SLCO6A1: variants seen among roughly 807,000 people sequenced by gnomAD.
SLCO6A1 encodes the protein cancer/testis antigen 48.
In SLCO6A1, 65 loss-of-function variants were observed where a neutral mutation model predicts 72.7. The observed-to-expected ratio is 0.89, with a 90% CI of 0.73 to 1.10. The LOEUF (loss-of-function observed/expected upper bound fraction) is 1.10. Among genes scored for constraint, SLCO6A1 ranks in the 50% least tolerant of loss-of-function variants. SLCO6A1 has a pLI of 0.00. For missense variants in SLCO6A1, 874 were observed against 872.6 expected (o/e 1.00, Z -0.02); for synonymous variants, 314 against 298.2 (o/e 1.05, Z -0.55).
At chr5:102,434,514 T>G (rs1022943681) in intron 7 of SLCO6A1, among the ~76,000 whole-genome samples, 1 of 152,208 alleles carries the variant, frequency 6.6e-6, no homozygotes, top group African/African-American at 2.4e-5. Context: ...GTCATAAACT[T>G]TATTTCATCT....
chr5:102,433,291 G>A (rs922713129), intron 7 of SLCO6A1, among the ~76,000 whole-genome samples: 10 of 152,178 alleles, frequency 6.6e-5, no homozygotes, highest in African/African-American at 2.4e-4. Context: ...GACTGGTTAA[G>A]GACCCTTGCT....
chr5:102,395,795 T>C (rs966162050), intron 10 of SLCO6A1, among the ~76,000 whole-genome samples: 23 of 152,216 alleles, frequency 1.5e-4, no homozygotes, highest in Non-Finnish European at 2.1e-4. Context: ...TGGCCAGTGA[T>C]GATGAGCATT....
chr5:102,382,631 A>G (rs1746171679), intron 12 of SLCO6A1, among the ~76,000 whole-genome samples: 1 of 151,498 alleles, frequency 6.6e-6, no homozygotes, highest in Non-Finnish European at 1.5e-5. Context: ...GGATATTTCC[A>G]TCTATTAGTG....
chr5:102,445,784 A>C (rs751906235), intron 6 of SLCO6A1, among the ~76,000 whole-genome samples: 11 of 152,308 alleles, frequency 7.2e-5, no homozygotes, highest in Non-Finnish European at 1.6e-4. Flanking sequence ...AATTCCACAT[A>C]TAGCTAGCCA....
chr5:102,384,466 C>T (rs115031620), intron 12 of SLCO6A1, among the ~76,000 whole-genome samples: 2,425 of 151,854 alleles, frequency 0.016, 59 homozygotes, highest in African/African-American at 0.055. Flanking sequence ...TTTGTAGTGG[C>T]AGTACGCTTT....
At chr5:102,380,971 A>G (rs1463638402) in intron 12 of SLCO6A1, among the ~76,000 whole-genome samples, 1 of 151,890 alleles carries the variant, frequency 6.6e-6, no homozygotes, top group Admixed American at 6.6e-5. Context: ...ACAAATAAAT[A>G]AAAAGGGTAT....
chr5:102,456,101 T>C (rs1210678041), intron 6 of SLCO6A1, among the ~76,000 whole-genome samples: 3 of 152,206 alleles, frequency 2.0e-5, no homozygotes, highest in East Asian at 1.9e-4. Context: ...TGATGGGATA[T>C]ACCTCAAAAT....
chr5:102,447,959 C>T (rs566647068), intron 6 of SLCO6A1, among the ~76,000 whole-genome samples: 4 of 152,002 alleles, frequency 2.6e-5, no homozygotes, highest in South Asian at 4.2e-4. Flanking sequence ...CTAGGTGTGA[C>T]GTTAGATTGT....
intron 6 of SLCO6A1, among the ~76,000 whole-genome samples, chr5:102,446,747 T>C (rs1580442521): frequency 7.3e-6 from 1 of 136,614 alleles, no homozygotes; most frequent in South Asian, 2.5e-4. Context: ...CCTAGTTTGT[T>C]GAAACGTTTT....
intron 9 of SLCO6A1, among the ~76,000 whole-genome samples, chr5:102,404,741 C>T (rs1282071693): frequency 2.0e-5 from 3 of 151,946 alleles, no homozygotes; most frequent in Non-Finnish European, 4.4e-5. Context: ...AAATGTTAGA[C>T]TAATAGAGGC....
chr5:102,454,233 T>G (rs1295006530), intron 6 of SLCO6A1, among the ~76,000 whole-genome samples: 2 of 152,168 alleles, frequency 1.3e-5, no homozygotes, highest in Non-Finnish European at 2.9e-5. Context: ...GCAGGAAGAC[T>G]GTTAGCCTTC....
intron 7 of SLCO6A1, among the ~76,000 whole-genome samples, chr5:102,420,718 CAAGAA>C (rs1748547422): frequency 6.6e-6 from 1 of 151,540 alleles, no homozygotes. Context: ...ATGAATTTAA[CAAGAA>C]AAACATAGGA....
At chr5:102,385,999 T>C (rs1746397289) in intron 12 of SLCO6A1, among the ~76,000 whole-genome samples, 1 of 152,156 alleles carries the variant, frequency 6.6e-6, no homozygotes, top group Non-Finnish European at 1.5e-5. Context: ...TAGAATCAGT[T>C]ACTGGTGTTT....
rs753665413 is a variant in SLCO6A1, at chr5:102,480,187, T to C, written c.606A>G (p.Val202=). 152 of 1,607,268 alleles carry C rather than the reference T, an allele frequency of 9.5e-5. 1 individual carries two copies. The South Asian group carries it at 1.6e-3, about 17-fold the overall frequency. The change falls in exon 2 of 14, where the codon GTA becomes GTG. Residue 202 remains valine, a synonymous_variant. Coordinates refer to ENST00000506729, the MANE Select transcript of SLCO6A1 (RefSeq NM_173488.5). ...SINEENKQSK[V]GIEDICEEIK... is the part of the protein sequence containing the mutation. ...ATTTTAAAACCTTACCTTCAATTCC[T>C]ACCTTACTTTGTTTATTTTCTTCAT...
chr5:102,404,361 G>C (rs1370732947), intron 9 of SLCO6A1, among the ~76,000 whole-genome samples: 2 of 152,090 alleles, frequency 1.3e-5, no homozygotes, highest in African/African-American at 4.8e-5. Flanking sequence ...CAGGTGTGGT[G>C]ACAGGCACCT....
chr5:102,389,627 T>TC (rs111429247), intron 11 of SLCO6A1, among the ~76,000 whole-genome samples: 97,616 of 151,190 alleles, frequency 0.65, 31,688 homozygotes, highest in African/African-American at 0.66. Flanking sequence ...GTGATAGTAC[T>TC]ATTTTTAATT....
chr5:102,445,787 G>C (rs1410035758), intron 6 of SLCO6A1, among the ~76,000 whole-genome samples: 1 of 152,116 alleles, frequency 6.6e-6, no homozygotes, highest in Non-Finnish European at 1.5e-5. Context: ...TCCACATATA[G>C]CTAGCCAGTT....
intron 11 of SLCO6A1, among the ~76,000 whole-genome samples, chr5:102,389,135 G>A (rs985947719): frequency 1.3e-5 from 2 of 152,092 alleles, no homozygotes; most frequent in African/African-American, 4.8e-5. Flanking sequence ...TTAGGAGAAA[G>A]TACTTAAAAC....
intron 1 of SLCO6A1, among the ~76,000 whole-genome samples, chr5:102,490,625 T>G (rs891472231): frequency 3.9e-5 from 6 of 152,262 alleles, no homozygotes; most frequent in Admixed American, 3.9e-4. Flanking sequence ...TTTGTTCTGA[T>G]GTTCGGGTGT....
Sources: allele counts gnomAD v4.1 joint callset (sites outside exome capture counted in the v4.1 genomes callset), GRCh38; gene constraint gnomAD v4.1.1; transcripts MANE v1.5; gene names NCBI Gene and HGNC (gene_info 2026-07-23, HGNC 2026-07-21).